Variants in DENND11 observed in about 807,000 individuals in gnomAD.
DENND11 encodes DENN domain-containing protein 11.
A neutral mutation model predicts 49.2 loss-of-function variants in DENND11; 34 were observed. The ratio of observed to expected loss-of-function variants is 0.69; its 90% confidence interval spans 0.53 to 0.92. The LOEUF (loss-of-function observed/expected upper bound fraction) is 0.92. Among genes scored for constraint, DENND11 ranks in the 40% least tolerant of loss-of-function variants. The probability of loss-of-function intolerance (pLI) is 0.00; values close to 1 mark genes in which losing one functional copy is unlikely to be tolerated. For synonymous variants in DENND11, 238 were observed against 230.3 expected (o/e 1.03, Z -0.30); for missense variants, 475 against 581.6 (o/e 0.82, Z 1.88).
rs542772777 is a variant in DENND11 at position 141,662,636 on chromosome 7, C to G, written c.*20G>C. ...TGCTGACATCCCACGTGAAGTGGCT[C>G]CCAGTCCTGTTGGCTCCTCCTACGG... On this transcript the variant is annotated 3_prime_UTR_variant, in exon 9 of 9. Coordinates refer to ENST00000536163, the MANE Select transcript of DENND11 (RefSeq NM_001080392.2). The G allele has an allele frequency of 2.0e-6, 3 of 1,530,668 alleles. No individual in the cohort carries two copies. The highest frequency in any genetic ancestry group is 1.4e-5 in the African/African-American group (1 of 71,922). 94.8% of individuals were successfully genotyped at this position (1,530,668 alleles called of 1,614,324 possible).
intron 3 of DENND11, 95 bp from the exon 4 acceptor site, chr7:141,674,315 AG>A (rs57073116): frequency 0.57 from 810,455 of 1,425,846 alleles, 236,191 homozygotes; most frequent in East Asian, 0.91. Context: ...GCCCACCTCA[AG>A]GGGCTGTAAC....
intron 7 of DENND11, 33 bp from the exon 8 acceptor site, chr7:141,664,273 AG>A: frequency 6.5e-7 from 1 of 1,529,974 alleles, no homozygotes; most frequent in Non-Finnish European, 8.9e-7. Flanking sequence ...ACTCTGGTGC[AG>A]GTACCAGGAC....
intron 4 of DENND11, among the ~76,000 whole-genome samples, chr7:141,671,871 C>A (rs185604211): frequency 6.6e-6 from 1 of 152,314 alleles, no homozygotes; most frequent in Admixed American, 6.5e-5. Flanking sequence ...TCTCAGCCTA[C>A]GCCACGGGGT....
At chr7:141,670,808 A>T (rs1035944371) in intron 4 of DENND11, among the ~76,000 whole-genome samples, 3 of 152,250 alleles carry the variant, frequency 2.0e-5, no homozygotes, top group African/African-American at 7.2e-5. Context: ...CAATAGGCTT[A>T]TGGGGGTGTA....
At chr7:141,664,083 C>A in intron 8 of DENND11, 89 bp downstream of exon 8, 10 of 1,123,012 alleles carry the variant, frequency 8.9e-6, no homozygotes, top group Non-Finnish European at 1.3e-5. Context: ...GCATCCCTGG[C>A]CCGCAGTGAA....
At chr7:141,677,521 GTA>G (rs71522151) in intron 3 of DENND11, among the ~76,000 whole-genome samples, 18,131 of 132,290 alleles carry the variant, frequency 0.14, 1,511 homozygotes, top group East Asian at 0.37. Context: ...ATATATATAT[GTA>G]TATATATATA....
At chr7:141,664,809 A>G in intron 7 of DENND11, 95 bp downstream of exon 7, 1 of 1,335,552 alleles carries the variant, frequency 7.5e-7, no homozygotes, top group Non-Finnish European at 1.0e-6. Flanking sequence ...GAAATGTGTC[A>G]GGGAAGGGGC....
chr7:141,659,365 A>G lies in DENND11; in HGVS notation c.*3291T>C, dbSNP rs1396287581. 6.6e-6 allele frequency: 1 copy of G among 152,250 alleles called. No homozygotes were observed. The highest frequency in any genetic ancestry group is 6.5e-5 in the Admixed American group (1 of 15,286). 9.4% of individuals were successfully genotyped at this position (152,250 alleles called of 1,614,324 possible). A position where few individuals can be genotyped will look rare whatever the true frequency, so the allele number is the denominator to read the frequency against. ...TAAAGGCCAAGCAAATTCTAAACACATAATTTGGGCCATACTTTTAGTCTG... is the reference window on the plus strand; with the variant it reads ...TAAAGGCCAAGCAAATTCTAAACACGTAATTTGGGCCATACTTTTAGTCTG... On this transcript the variant is annotated 3_prime_UTR_variant, in exon 9 of 9. Transcript: ENST00000536163.
At chr7:141,673,027 C>A (rs1318476338) in intron 4 of DENND11, among the ~76,000 whole-genome samples, 3 of 152,188 alleles carry the variant, frequency 2.0e-5, no homozygotes, top group Non-Finnish European at 4.4e-5. Context: ...AACATTTAAT[C>A]CCAGCCAAAC....
At chr7:141,676,788 G>A (rs1246134606) in intron 3 of DENND11, among the ~76,000 whole-genome samples, 1 of 152,152 alleles carries the variant, frequency 6.6e-6, no homozygotes, top group Admixed American at 6.5e-5. Context: ...CCTTCCTGGT[G>A]AACTTACCTA....
At chr7:141,670,236 C>T (rs989812940) in intron 4 of DENND11, among the ~76,000 whole-genome samples, 1 of 152,100 alleles carries the variant, frequency 6.6e-6, no homozygotes, top group African/African-American at 2.4e-5. Context: ...TTAATAAGCT[C>T]ATATACACCC....
At chr7:141,665,348 G>A in intron 5 of DENND11, 30 bp from the exon 6 acceptor site, 2 of 1,612,862 alleles carry the variant, frequency 1.2e-6, no homozygotes, top group Non-Finnish European at 1.7e-6. Flanking sequence ...GAGCGGGGAG[G>A]GTCTGCCCCT....
At chr7:141,693,280 G>A (rs1482376686) in intron 1 of DENND11, among the ~76,000 whole-genome samples, 1 of 152,118 alleles carries the variant, frequency 6.6e-6, no homozygotes, top group South Asian at 2.1e-4. Context: ...TGCTCATTAC[G>A]CAATTGCAAA....
chr7:141,685,392 C>T (rs747150294), intron 3 of DENND11, 86 bp downstream of exon 3: 29 of 1,488,584 alleles, frequency 1.9e-5, no homozygotes, highest in South Asian at 2.4e-5. Context: ...TGCTCTGGCA[C>T]GCAAATGCTG....
intron 4 of DENND11, among the ~76,000 whole-genome samples, chr7:141,669,841 T>TTG (rs1416021280): frequency 7.5e-6 from 1 of 133,526 alleles, no homozygotes; most frequent in East Asian, 2.2e-4. Context: ...AGACGGAGTC[T>TTG]CGCTGTCGCC....
intron 3 of DENND11, among the ~76,000 whole-genome samples, chr7:141,674,708 G>A (rs1187025043): frequency 1.3e-5 from 2 of 152,100 alleles, no homozygotes; most frequent in African/African-American, 4.8e-5. Flanking sequence ...TCTCAAATAA[G>A]GGAAAACAAT....
At chr7:141,664,416 T>G (rs12538056) in intron 7 of DENND11, among the ~76,000 whole-genome samples, 176 bp from the exon 8 acceptor site, 2 of 152,226 alleles carry the variant, frequency 1.3e-5, no homozygotes, top group East Asian at 3.9e-4. Flanking sequence ...GTTCTGCCCC[T>G]GGTAATCTTA....
chr7:141,659,196 C>T lies in DENND11; in HGVS notation c.*3460G>A, dbSNP rs1257999814. ...TTCCCTCCCCCTAACCAGGTGGAAGCACAGATGCTATAATGGATGATGGAT... is the reference window on the plus strand; with the variant it reads ...TTCCCTCCCCCTAACCAGGTGGAAGTACAGATGCTATAATGGATGATGGAT... On this transcript the variant is annotated 3_prime_UTR_variant, in exon 9 of 9. Transcript: ENST00000536163. 3 of 152,200 alleles carry T rather than the reference C, an allele frequency of 2.0e-5. No homozygotes were observed. The highest frequency in any genetic ancestry group is 4.4e-5 in the Non-Finnish European group (3 of 68,032). The allele number at this position is 152,200 out of a possible 1,614,324, so 9.4% of individuals were successfully genotyped here.
Position 141,685,612 on chromosome 7 carries a change from G to A in DENND11, c.393C>T (p.Phe131=), listed in dbSNP as rs757787992. 90 of 1,613,976 alleles carry A rather than the reference G, an allele frequency of 5.6e-5. 1 individual carries two copies. The South Asian group carries it at 7.8e-4, about 14-fold the overall frequency. ...DFIYFRKGPF[F]GLACFANMPV... ...GCATGTTGGCAAAGCAGGCCAGGCC[G>A]AAGAAGGGCCCCTTTCGGAAATAGC... is the stretch of plus-strand genomic sequence containing the variant. The change falls in exon 3 of 9, where the codon TTC becomes TTT. Residue 131 remains phenylalanine, a synonymous_variant. Transcript: ENST00000536163.
Sources: gnomAD v4.1 joint callset for allele counts (sites outside exome capture counted in the v4.1 genomes callset) on GRCh38, gnomAD v4.1.1 for gene constraint, MANE v1.5 for transcripts, NCBI Gene and HGNC (gene_info 2026-07-23, HGNC 2026-07-21) for gene names.